The following ARHGAP18 variants were observed in gnomAD, a reference collection of about 807,000 sequenced individuals.
The protein encoded by ARHGAP18 is Rho GTPase activating protein 18.
A neutral mutation model predicts 86.2 loss-of-function variants in ARHGAP18; 67 were observed. That is an observed-to-expected ratio of 0.78 (90% confidence interval 0.64 to 0.95). The LOEUF (loss-of-function observed/expected upper bound fraction) is 0.95. ARHGAP18 is among the 40% of genes least tolerant of loss of function. The pLI, the probability that ARHGAP18 is intolerant of heterozygous loss-of-function variation, is 0.00. For missense variants in ARHGAP18, 691 were observed against 780.4 expected (o/e 0.89, Z 1.37); for synonymous variants, 283 against 280.4 (o/e 1.01, Z -0.09).
At chr6:129,680,168 T>C (rs6903670) in intron 1 of ARHGAP18, among the ~76,000 whole-genome samples, 4,887 of 152,218 alleles carry the variant, frequency 0.032, 240 homozygotes, top group African/African-American at 0.11. Flanking sequence ...CATTCACAAC[T>C]TCTGTGAATT....
At chr6:129,663,633 C>T (rs773142599) in intron 1 of ARHGAP18, among the ~76,000 whole-genome samples, 4 of 152,154 alleles carry the variant, frequency 2.6e-5, no homozygotes, top group Non-Finnish European at 4.4e-5. Flanking sequence ...CAGATTGTAT[C>T]GTGACAGAGG....
At chr6:129,619,853 A>T (rs992440770) in intron 5 of ARHGAP18, among the ~76,000 whole-genome samples, 24 of 152,028 alleles carry the variant, frequency 1.6e-4, no homozygotes, top group African/African-American at 5.8e-4. Flanking sequence ...AACGAAGAGC[A>T]TGGACTTCAG....
chr6:129,643,332 A>C (rs1773508381), intron 1 of ARHGAP18, among the ~76,000 whole-genome samples: 1 of 152,134 alleles, frequency 6.6e-6, no homozygotes, highest in South Asian at 2.1e-4. Context: ...AGTTACTTTC[A>C]TGCTGTTCTC....
At chr6:129,657,233 A>G (rs1773856410) in intron 1 of ARHGAP18, among the ~76,000 whole-genome samples, 1 of 152,100 alleles carries the variant, frequency 6.6e-6, no homozygotes, top group Non-Finnish European at 1.5e-5. Flanking sequence ...ACTGTTATTA[A>G]TTGCTTTCCA....
chr6:129,622,029 C>T (rs1789239610), intron 5 of ARHGAP18, among the ~76,000 whole-genome samples: 2 of 152,146 alleles, frequency 1.3e-5, no homozygotes, highest in Admixed American at 6.5e-5. Flanking sequence ...GTACTGTGAG[C>T]CCCTCAAGGA....
At chr6:129,638,037 G>A (rs756104671) in intron 3 of ARHGAP18, among the ~76,000 whole-genome samples, 3 of 152,112 alleles carry the variant, frequency 2.0e-5, no homozygotes, top group Non-Finnish European at 2.9e-5. Context: ...TAATAGATAG[G>A]GAAGAATACC....
At chr6:129,599,194 C>T (rs1176918225) in intron 12 of ARHGAP18, 22 bp downstream of exon 12, 13 of 1,498,140 alleles carry the variant, frequency 8.7e-6, no homozygotes, top group African/African-American at 1.4e-5. Flanking sequence ...TGAATAAATA[C>T]ATATCTCCAC....
At chr6:129,709,932 G>T in intron 1 of ARHGAP18, 92 bp downstream of exon 1, 1 of 1,002,526 alleles carries the variant, frequency 1.0e-6, no homozygotes, top group Non-Finnish European at 1.5e-6. Context: ...CGTGCAGATG[G>T]AATTCCCTTC....
At chr6:129,601,974 C>G (rs1452993985) in intron 10 of ARHGAP18, among the ~76,000 whole-genome samples, 1 of 151,980 alleles carries the variant, frequency 6.6e-6, no homozygotes, top group Admixed American at 6.6e-5. Context: ...TTCATCAGAA[C>G]AGGTTAGGTT....
chr6:129,649,348 G>A (rs1225992337), intron 1 of ARHGAP18, among the ~76,000 whole-genome samples: 1 of 152,152 alleles, frequency 6.6e-6, no homozygotes, highest in Non-Finnish European at 1.5e-5. Flanking sequence ...GAGGTCAGGA[G>A]ATTGAGATCA....
intron 12 of ARHGAP18, among the ~76,000 whole-genome samples, chr6:129,589,365 C>T (rs541593522): frequency 6.6e-6 from 1 of 152,330 alleles, no homozygotes; most frequent in South Asian, 2.1e-4. Flanking sequence ...AGTCAAATTG[C>T]CACCAGTTTC....
At chr6:129,661,223 C>T (rs906211815) in intron 1 of ARHGAP18, among the ~76,000 whole-genome samples, 1 of 146,840 alleles carries the variant, frequency 6.8e-6, no homozygotes, top group South Asian at 2.2e-4. Flanking sequence ...TGTGGTGGCA[C>T]ACACCTGTAG....
intron 1 of ARHGAP18, among the ~76,000 whole-genome samples, chr6:129,687,777 T>G (rs1774454408): frequency 8.2e-6 from 1 of 122,502 alleles, no homozygotes; most frequent in Non-Finnish European, 1.8e-5. Flanking sequence ...AGAAGTTCAA[T>G]AGTAACCAAA....
At chr6:129,626,498 A>G (rs568275639) in intron 5 of ARHGAP18, among the ~76,000 whole-genome samples, 3 of 152,180 alleles carry the variant, frequency 2.0e-5, no homozygotes, top group Admixed American at 2.0e-4. Flanking sequence ...GCCAAAATGA[A>G]ATTTCAAGAA....
At chr6:129,662,933 T>C (rs1773980149) in intron 1 of ARHGAP18, among the ~76,000 whole-genome samples, 1 of 152,212 alleles carries the variant, frequency 6.6e-6, no homozygotes, top group African/African-American at 2.4e-5. Context: ...AATTTTATTA[T>C]TTATGCTGCC....
chr6:129,626,342 A>C (rs2114484052), intron 5 of ARHGAP18, among the ~76,000 whole-genome samples: 1 of 152,070 alleles, frequency 6.6e-6, no homozygotes, highest in Non-Finnish European at 1.5e-5. Flanking sequence ...GCAGAAGGAT[A>C]AACCATGATA....
chr6:129,594,076 G>A (rs1231527316), intron 12 of ARHGAP18, among the ~76,000 whole-genome samples: 1 of 152,132 alleles, frequency 6.6e-6, no homozygotes, highest in African/African-American at 2.4e-5. Flanking sequence ...CTCCCAAGTA[G>A]CTGGGACTAC....
chr6:129,601,512 AAAGAGAG>A (rs756196156), intron 10 of ARHGAP18, among the ~76,000 whole-genome samples: 73 of 151,778 alleles, frequency 4.8e-4, no homozygotes, highest in Non-Finnish European at 6.8e-4. Flanking sequence ...AGAAAAGAGA[AAAGAGAG>A]AAGAGAGAAA....
intron 1 of ARHGAP18, among the ~76,000 whole-genome samples, chr6:129,680,904 T>C (rs1254355261): frequency 6.6e-6 from 1 of 152,230 alleles, no homozygotes; most frequent in African/African-American, 2.4e-5. Flanking sequence ...ACTTCAGCAA[T>C]GACAGCAGTG....
Sources: gnomAD v4.1 joint callset for allele counts (sites outside exome capture counted in the v4.1 genomes callset) on GRCh38, gnomAD v4.1.1 for gene constraint, MANE v1.5 for transcripts, NCBI Gene and HGNC (gene_info 2026-07-23, HGNC 2026-07-21) for gene names.